The following CACNA1C variants were observed in gnomAD, a reference collection of about 807,000 sequenced individuals.
CACNA1C encodes the protein calcium voltage-gated channel subunit alpha1 C.
A neutral mutation model predicts 229.0 loss-of-function variants in CACNA1C; 30 were observed. The observed-to-expected ratio is 0.13, with a 90% CI of 0.10 to 0.18. The LOEUF is 0.18. Ranked by LOEUF, CACNA1C falls within the 10% of genes least tolerant of loss-of-function variation. The pLI is 1.00. For synonymous variants in CACNA1C, 1,114 were observed against 1,132.5 expected, an observed-to-expected ratio of 0.98 and a Z score of 0.33; for missense variants, 1,658 against 2,845.0, an observed-to-expected ratio of 0.58 and a Z score of 9.49.
At chr12:2,669,474 G>A (rs2096434614) in intron 38 of CACNA1C, among the ~76,000 whole-genome samples, 1 of 152,180 alleles carries the variant, frequency 6.6e-6, no homozygotes, top group Non-Finnish European at 1.5e-5. Flanking sequence ...TATTCATTTT[G>A]AACTCTAGCT....
intron 3 of CACNA1C, among the ~76,000 whole-genome samples, chr12:2,416,693 AG>A: frequency 6.6e-6 from 1 of 152,362 alleles, no homozygotes; most frequent in South Asian, 2.1e-4. Context: ...CCACCATGCC[AG>A]GGAACGTCTC....
intron 3 of CACNA1C, among the ~76,000 whole-genome samples, chr12:2,192,752 T>TC (rs1426959723): frequency 8.1e-6 from 1 of 122,822 alleles, no homozygotes; most frequent in Admixed American, 7.8e-5. Context: ...TACCTGGCAC[T>TC]CCCCCCACTC....
chr12:2,395,011 T>C (rs968721874), intron 3 of CACNA1C, among the ~76,000 whole-genome samples: 1 of 152,072 alleles, frequency 6.6e-6, no homozygotes, highest in African/African-American at 2.4e-5. Flanking sequence ...CCAGCCTTAT[T>C]TATTTATTTA....
At chr12:2,521,753 C>A (rs905332352) in intron 9 of CACNA1C, among the ~76,000 whole-genome samples, 2 of 152,182 alleles carry the variant, frequency 1.3e-5, no homozygotes, top group African/African-American at 4.8e-5. Flanking sequence ...TCTCCCCTCA[C>A]CTCTCTCCGC....
intron 3 of CACNA1C, among the ~76,000 whole-genome samples, chr12:2,365,030 CACAAAGGAATTGACCCAATGCATTT>C (rs2097687820): frequency 6.6e-6 from 1 of 152,226 alleles, no homozygotes; most frequent in African/African-American, 2.4e-5. Flanking sequence ...CAGACGCTGC[CACAAAGGAATTGACCCAATGCATTT>C]ACAAAGCATT....
At chr12:1,988,665 A>C (rs1165191207) in intron 1 of CACNA1C, among the ~76,000 whole-genome samples, 1 of 152,176 alleles carries the variant, frequency 6.6e-6, no homozygotes, top group Non-Finnish European at 1.5e-5. Flanking sequence ...AATTTCAGGA[A>C]AACTAGGAGT....
rs1455409596 is a variant in CACNA1C, at chr12:2,137,177, A to G, written c.477+16747A>G. ...GAAACATCGAAGAGCTACGGCCTGA[A>G]CACCAGGATGTGGGATGGGTAGTAA... On this transcript the variant is annotated intron_variant, in intron 3 of 46. Coordinates refer to ENST00000399655, the MANE Select transcript of CACNA1C (RefSeq NM_000719.7). Among the ~76,000 whole-genome samples the G allele has an allele frequency of 2.0e-5, 3 of 151,306 alleles. 1 individual carries two copies. Among genetic ancestry groups the G allele is most frequent in the Non-Finnish European group, 4.4e-5 (3 of 67,612 alleles).
At chr12:2,269,300 C>T (rs1404295136) in intron 3 of CACNA1C, among the ~76,000 whole-genome samples, 1 of 152,150 alleles carries the variant, frequency 6.6e-6, no homozygotes, top group Non-Finnish European at 1.5e-5. Context: ...CTAGGTTAAA[C>T]CTGCCTAAAT....
chr12:2,263,742 G>A (rs1396640122), intron 3 of CACNA1C, among the ~76,000 whole-genome samples: 1 of 152,062 alleles, frequency 6.6e-6, no homozygotes, highest in Non-Finnish European at 1.5e-5. Flanking sequence ...TCTATATCTT[G>A]GCTTGAGTGA....
At chr12:2,097,294 T>C (rs374367238) in intron 1 of CACNA1C, among the ~76,000 whole-genome samples, 2,853 of 152,086 alleles carry the variant, frequency 0.019, 57 homozygotes, top group African/African-American at 0.055. Context: ...TACAGGCGCC[T>C]GCCACCACGC....
chr12:2,175,748 A>G (rs1286198406), intron 3 of CACNA1C, among the ~76,000 whole-genome samples: 1 of 152,138 alleles, frequency 6.6e-6, no homozygotes, highest in Non-Finnish European at 1.5e-5. Context: ...ATAAAGAAGA[A>G]CGCTCTCTCA....
At chr12:2,459,712 G>A (rs1033787656) in intron 5 of CACNA1C, among the ~76,000 whole-genome samples, 4 of 152,160 alleles carry the variant, frequency 2.6e-5, no homozygotes, top group African/African-American at 9.7e-5. Flanking sequence ...AGGAAGGGAG[G>A]ATGACAGTGA....
intron 3 of CACNA1C, among the ~76,000 whole-genome samples, chr12:2,268,253 G>A (rs1361853970): frequency 6.6e-6 from 1 of 152,116 alleles, no homozygotes. Flanking sequence ...TGGCAGGGGT[G>A]GGGTCGACAG....
At chr12:2,636,231 G>A (rs1368259566) in intron 30 of CACNA1C, among the ~76,000 whole-genome samples, 1 of 152,200 alleles carries the variant, frequency 6.6e-6, no homozygotes, top group Non-Finnish European at 1.5e-5. Flanking sequence ...GCAGGAAAAC[G>A]CAGAAAGGTG....
chr12:2,666,473 A>C lies in CACNA1C; in HGVS notation c.4527-213A>C. ...TTGAACATAGCATGGGCAGAAAATG[A>C]TTCATTAAAATCTAAACACGTGTAT... On this transcript the variant is annotated intron_variant, in intron 36 of 46. Coordinates refer to ENST00000399655, the MANE Select transcript of CACNA1C (RefSeq NM_000719.7). The surrounding 1 kb of genome is among the most constrained non-coding windows in gnomAD (Gnocchi z 5.3). 2.2e-6 allele frequency: 1 copy of C among 446,686 alleles called. No individual in the cohort carries two copies. The allele number at this position is 446,686 out of a possible 1,614,324, so 27.7% of individuals were successfully genotyped here.
intron 6 of CACNA1C, among the ~76,000 whole-genome samples, chr12:2,487,063 G>A (rs1463311559): frequency 6.6e-6 from 1 of 152,174 alleles, no homozygotes; most frequent in Non-Finnish European, 1.5e-5. Flanking sequence ...TCGCAGCTTG[G>A]CCTTTTAAAG....
intron 2 of CACNA1C, among the ~76,000 whole-genome samples, chr12:2,115,861 TATC>T (rs1216445705): frequency 6.6e-6 from 1 of 152,274 alleles, no homozygotes; most frequent in Non-Finnish European, 1.5e-5. Flanking sequence ...AGTTATGAAA[TATC>T]ATCTCCTGTA....
At chr12:2,669,872 G>T (rs1244845833) in intron 38 of CACNA1C, among the ~76,000 whole-genome samples, 2 of 152,186 alleles carry the variant, frequency 1.3e-5, no homozygotes, top group Non-Finnish European at 2.9e-5. Context: ...GCACCCTAAG[G>T]GCTAGCAGCA....
chr12:1,993,054 C>T (rs530106164), intron 1 of CACNA1C: 1 of 712,576 alleles, frequency 1.4e-6, no homozygotes, highest in South Asian at 1.6e-5. Flanking sequence ...AGGTTTATAT[C>T]ATCATATTTA....
Sources: allele counts gnomAD v4.1 joint callset (sites outside exome capture counted in the v4.1 genomes callset), GRCh38; gene constraint gnomAD v4.1.1; non-coding constraint Gnocchi (gnomAD v3.1); transcripts MANE v1.5; gene names NCBI Gene and HGNC (gene_info 2026-07-23, HGNC 2026-07-21).